Variants in SCN8A observed in about 807,000 individuals in gnomAD.
SCN8A encodes the protein sodium channel protein type 8 subunit alpha.
Under a neutral mutation model 184.1 loss-of-function variants are expected in SCN8A, and 30 were observed. The observed-to-expected ratio is 0.16, with a 90% confidence interval of 0.12 to 0.22. The LOEUF (loss-of-function observed/expected upper bound fraction) is 0.22. Ranked by LOEUF, SCN8A falls within the 10% of genes least tolerant of loss-of-function variation. SCN8A has a pLI of 1.00. For missense variants in SCN8A, 1,057 were observed against 2,498.9 expected (o/e 0.42, Z 12.30); for synonymous variants, 852 against 907.0 (o/e 0.94, Z 1.09).
chr12:51,681,283 C>T (rs562179521), intron 2 of SCN8A, among the ~76,000 whole-genome samples: 11 of 152,252 alleles, frequency 7.2e-5, no homozygotes, highest in South Asian at 4.1e-4. Flanking sequence ...TTGAGAGGCT[C>T]GAAGCTCGGC....
At chr12:51,599,164 T>C (rs1208082744) in intron 1 of SCN8A, among the ~76,000 whole-genome samples, 2 of 152,204 alleles carry the variant, frequency 1.3e-5, no homozygotes, top group African/African-American at 4.8e-5. Flanking sequence ...AACAAATATT[T>C]AGCGAGTAGC....
rs567527548 is a variant in SCN8A, at chr12:51,769,110, C to T, written c.3147C>T (p.Thr1049=). Residue 1049 remains threonine, a synonymous_variant, in exon 17 of 27, where the codon ACC becomes ACT. Transcript: ENST00000627620. ...AGGCCAACTGTATCGCCAATCACAC[C>T]GGTGCAGACATCCACCGGAATGGTG... ...EKKANCIANH[T]GADIHRNGDF... 39 of 1,613,448 alleles carry T rather than the reference C, an allele frequency of 2.4e-5. No homozygotes were observed. Among genetic ancestry groups the T allele is most frequent in the Middle Eastern group, 1.7e-4 (1 of 6,060 alleles).
At chr12:51,722,747 A>G (rs1942089496) in intron 12 of SCN8A, 1 of 152,270 alleles carries the variant, frequency 6.6e-6, no homozygotes, top group Non-Finnish European at 1.5e-5. Context: ...TGAATTTTAA[A>G]TGTAATCAAA....
At chr12:51,645,698 T>C (rs1021315482) in intron 1 of SCN8A, among the ~76,000 whole-genome samples, 2 of 150,634 alleles carry the variant, frequency 1.3e-5, no homozygotes, top group African/African-American at 4.9e-5. Context: ...CCACTCAGGG[T>C]TGAATGGATT....
chr12:51,686,685 C>T (rs1941426085), intron 4 of SCN8A, among the ~76,000 whole-genome samples: 1 of 152,166 alleles, frequency 6.6e-6, no homozygotes, highest in African/African-American at 2.4e-5. Context: ...CAGGCAGTGC[C>T]GTTGCCCTGC....
chr12:51,686,355 G>C lies in SCN8A; in HGVS notation c.396-13G>C. The C allele has an allele frequency of 1.9e-6, 3 of 1,568,700 alleles. No homozygotes were observed. Among genetic ancestry groups the C allele is most frequent in the Non-Finnish European group, 2.6e-6 (3 of 1,140,950 alleles). ...AGGCCAGATTTTAATATTGCCCCTTGACTCTTCTCTACAGTATTTAGCATG... is the reference window on the plus strand; with the variant it reads ...AGGCCAGATTTTAATATTGCCCCTTCACTCTTCTCTACAGTATTTAGCATG... On this transcript the variant is annotated splice_polypyrimidine_tract_variant and intron_variant, in intron 3 of 26. Coordinates refer to ENST00000627620, the MANE Select transcript of SCN8A (RefSeq NM_001330260.2).
chr12:51,771,877 CA>C (rs1247223217), intron 19 of SCN8A, among the ~76,000 whole-genome samples: 1 of 152,202 alleles, frequency 6.6e-6, no homozygotes, highest in Admixed American at 6.6e-5. Context: ...TTATTGCTGT[CA>C]TTGTTATTCT....
At chr12:51,750,762 C>T (rs1942582975) in intron 13 of SCN8A, among the ~76,000 whole-genome samples, 1 of 152,148 alleles carries the variant, frequency 6.6e-6, no homozygotes, top group South Asian at 2.1e-4. Flanking sequence ...TTCACGGTCC[C>T]ACAGTTAGCA....
chr12:51,684,412 C>T (rs1381811299), intron 3 of SCN8A, 120 bp downstream of exon 3: 5 of 692,778 alleles, frequency 7.2e-6, no homozygotes, highest in South Asian at 3.0e-5. Context: ...GTTAACTAGC[C>T]CATCAGTCAG....
chr12:51,694,367 G>A (rs888932534), intron 6 of SCN8A, among the ~76,000 whole-genome samples: 5 of 152,324 alleles, frequency 3.3e-5, no homozygotes, highest in East Asian at 1.9e-4. Flanking sequence ...ATTGTGAAAC[G>A]TGACAGGAGA....
chr12:51,756,145 G>T (rs1942670509), intron 14 of SCN8A, among the ~76,000 whole-genome samples: 1 of 152,050 alleles, frequency 6.6e-6, no homozygotes, highest in Admixed American at 6.5e-5. Context: ...TAGAAGCTCT[G>T]TTTATCCTGC....
At chr12:51,768,803 AC>A (rs1942876455) in intron 16 of SCN8A, 61 bp from the exon 17 acceptor site, 1 of 1,413,676 alleles carries the variant, frequency 7.1e-7, no homozygotes, top group South Asian at 1.5e-5. Context: ...CCAGTTTGCA[AC>A]CCTGAGTTCG....
intron 6 of SCN8A, among the ~76,000 whole-genome samples, chr12:51,690,308 T>A (rs1941485466): frequency 6.6e-6 from 1 of 152,212 alleles, no homozygotes; most frequent in South Asian, 2.1e-4. Context: ...CTATTCCTAT[T>A]ACGTGGCTCT....
chr12:51,672,289 T>C (rs1941146424), intron 2 of SCN8A, among the ~76,000 whole-genome samples: 1 of 152,150 alleles, frequency 6.6e-6, no homozygotes. Flanking sequence ...TCCTCACCCC[T>C]TTCATGATAT....
intron 20 of SCN8A, among the ~76,000 whole-genome samples, chr12:51,774,656 G>C (rs2138879664): frequency 1.3e-5 from 2 of 152,276 alleles, no homozygotes; most frequent in South Asian, 4.1e-4. Flanking sequence ...AAAGGCCCTT[G>C]TTATTAGGCT....
At position 51,770,518 on chromosome 12, in the gene SCN8A, G is replaced by A. The variant is rs745414775; in HGVS notation, c.3491-11G>A. ...TTCCACGGTCTGACCCGCCTCTCCC[G>A]CTGGTGCCAGGTTGTGTCCAGCGGT... On this transcript the variant is annotated splice_polypyrimidine_tract_variant and intron_variant, in intron 18 of 26. Transcript: ENST00000627620. 47 of 1,583,250 alleles carry A rather than the reference G, an allele frequency of 3.0e-5. No individual in the cohort carries two copies. Among genetic ancestry groups the A allele is most frequent in the South Asian group, 1.0e-4 (9 of 86,856 alleles).
At position 51,807,811 on chromosome 12, in the gene SCN8A, C is replaced by T. The variant is rs570271876; in HGVS notation, c.*382C>T. ...ATTGATTCTCAGAAGCAGAAAGCAT[C>T]ACTTTAAAAGTTCGTTTGTTCATGC... On this transcript the variant is annotated 3_prime_UTR_variant, in exon 27 of 27. Coordinates refer to ENST00000627620, the MANE Select transcript of SCN8A (RefSeq NM_001330260.2). The surrounding 1 kb of genome is among the most constrained non-coding windows in gnomAD (Gnocchi z 4.5). 1 of 249,200 alleles carries T rather than the reference C, an allele frequency of 4.0e-6. No individual in the cohort carries two copies. The highest frequency in any genetic ancestry group is 9.5e-5 in the East Asian group (1 of 10,548). The allele number at this position is 249,200 out of a possible 1,614,324, so 15.4% of individuals were successfully genotyped here.
At chr12:51,670,249 T>C (rs1941108303) in intron 2 of SCN8A, among the ~76,000 whole-genome samples, 3 of 152,242 alleles carry the variant, frequency 2.0e-5, no homozygotes, top group African/African-American at 7.2e-5. Context: ...TTCTCTTTTG[T>C]AGCCTTGGCA....
intron 1 of SCN8A, among the ~76,000 whole-genome samples, chr12:51,611,754 C>T (rs913815522): frequency 6.6e-6 from 1 of 152,178 alleles, no homozygotes; most frequent in Admixed American, 6.5e-5. Context: ...CCTGGCCTCC[C>T]AAAGTGTTGG....
Sources: gnomAD v4.1 joint callset for allele counts (sites outside exome capture counted in the v4.1 genomes callset) on GRCh38, gnomAD v4.1.1 for gene constraint, Gnocchi (gnomAD v3.1) non-coding constraint, MANE v1.5 for transcripts, NCBI Gene and HGNC (gene_info 2026-07-23, HGNC 2026-07-21) for gene names.